Variants in TFG observed in about 807,000 individuals in gnomAD.
TFG encodes protein TFG.
Under a neutral mutation model 51.4 loss-of-function variants are expected in TFG, and 22 were observed. The observed-to-expected ratio is 0.43, with a 90% CI of 0.31 to 0.61. TFG has a LOEUF of 0.61. Ranked by LOEUF, TFG falls within the 20% of genes least tolerant of loss-of-function variation. TFG has a pLI of 0.12. For synonymous variants in TFG, 187 were observed against 165.6 expected, an observed-to-expected ratio of 1.13 and a Z score of -0.99; for missense variants, 419 against 487.7, an observed-to-expected ratio of 0.86 and a Z score of 1.33.
intron 3 of TFG, among the ~76,000 whole-genome samples, chr3:100,725,665 C>T (rs1218403340): frequency 3.7e-5 from 3 of 80,812 alleles, no homozygotes; most frequent in Middle Eastern, 6.6e-3. Flanking sequence ...TGTAGTGGTG[C>T]GTGCCTGTAA....
chr3:100,715,681 T>G (rs1391578614), intron 2 of TFG, among the ~76,000 whole-genome samples: 1 of 152,154 alleles, frequency 6.6e-6, no homozygotes, highest in Non-Finnish European at 1.5e-5. Flanking sequence ...TACATTGATT[T>G]GCACCTCTGT....
intron 3 of TFG, among the ~76,000 whole-genome samples, chr3:100,727,154 A>G (rs1255500350): frequency 6.6e-6 from 1 of 152,182 alleles, no homozygotes; most frequent in African/African-American, 2.4e-5. Context: ...ATTTATATTC[A>G]ACGGGAGAAC....
chr3:100,730,922 G>T (rs913418619), intron 4 of TFG, among the ~76,000 whole-genome samples: 2 of 152,208 alleles, frequency 1.3e-5, no homozygotes, highest in Non-Finnish European at 2.9e-5. Flanking sequence ...ATGCTCTTGG[G>T]ATTAGAGGAA....
intron 6 of TFG, among the ~76,000 whole-genome samples, chr3:100,740,451 A>C (rs2095118235): frequency 1.3e-5 from 2 of 152,252 alleles, no homozygotes; most frequent in Admixed American, 1.3e-4. Flanking sequence ...GAAGAGAGTG[A>C]GGTAGAAGAT....
intron 3 of TFG, among the ~76,000 whole-genome samples, chr3:100,724,771 AT>A (rs2095070323): frequency 6.6e-6 from 1 of 152,214 alleles, no homozygotes; most frequent in Non-Finnish European, 1.5e-5. Flanking sequence ...GGAGTCTAAG[AT>A]TGCTTTAAAT....
intron 3 of TFG, 98 bp from the exon 4 acceptor site, chr3:100,728,614 T>C: frequency 9.0e-7 from 1 of 1,109,212 alleles, no homozygotes; most frequent in Non-Finnish European, 1.2e-6. Context: ...TTGTTTTTGT[T>C]TTTTTAAAGG....
chr3:100,733,871 A>G (rs1410825591), intron 5 of TFG, among the ~76,000 whole-genome samples: 2 of 152,250 alleles, frequency 1.3e-5, no homozygotes, highest in African/African-American at 2.4e-5. Context: ...TATGCATGCC[A>G]TAGTAAACTA....
At chr3:100,747,231 T>C (rs2095137451) in intron 7 of TFG, among the ~76,000 whole-genome samples, 1 of 152,192 alleles carries the variant, frequency 6.6e-6, no homozygotes, top group African/African-American at 2.4e-5. Context: ...CCAGTTTCCC[T>C]CTGACCTTTT....
intron 3 of TFG, among the ~76,000 whole-genome samples, chr3:100,723,015 T>G (rs72930703): frequency 0.03 from 4,534 of 152,272 alleles, 182 homozygotes; most frequent in African/African-American, 0.092. Context: ...TCAAGGAAGC[T>G]TAACTCTTAA....
intron 2 of TFG, among the ~76,000 whole-genome samples, chr3:100,715,660 T>A (rs2095043696): frequency 6.6e-6 from 1 of 152,198 alleles, no homozygotes; most frequent in Non-Finnish European, 1.5e-5. Context: ...CCTGTTTTCT[T>A]ATGCTTATCA....
intron 4 of TFG, among the ~76,000 whole-genome samples, chr3:100,731,603 T>TA (rs1250458922): frequency 6.6e-6 from 1 of 152,136 alleles, no homozygotes; most frequent in Non-Finnish European, 1.5e-5. Flanking sequence ...CCCCTCCTGT[T>TA]ACCCAGAGTG....
intron 7 of TFG, among the ~76,000 whole-genome samples, chr3:100,745,302 G>A (rs1028483996): frequency 3.3e-5 from 5 of 151,958 alleles, no homozygotes; most frequent in African/African-American, 1.2e-4. Flanking sequence ...TGTACTCTTA[G>A]TACCTGTAGA....
rs571154470 is a variant in TFG, at chr3:100,748,636, G to C, written c.*105G>C. The C allele has an allele frequency of 2.1e-5, 27 of 1,275,034 alleles. No homozygotes were observed. The South Asian group carries it at 4.6e-4, about 22-fold the overall frequency. 79.0% of individuals were successfully genotyped at this position (1,275,034 alleles called of 1,614,324 possible). The stretch of plus-strand genomic sequence containing the variant: ...GAAGAAGTTCAGAAATTTAAAAGCA[G>C]AGCATTTTTTATGATATCATTGTTG... On this transcript the variant is annotated 3_prime_UTR_variant, in exon 8 of 8. Transcript: ENST00000240851.
intron 1 of TFG, among the ~76,000 whole-genome samples, chr3:100,710,667 G>A (rs1326000491): frequency 5.9e-5 from 9 of 152,096 alleles, no homozygotes; most frequent in Admixed American, 5.9e-4. Context: ...TATGACCTTG[G>A]GCGTGTCAGA....
intron 5 of TFG, among the ~76,000 whole-genome samples, chr3:100,734,505 T>C (rs2095101132): frequency 6.6e-6 from 1 of 152,224 alleles, no homozygotes; most frequent in African/African-American, 2.4e-5. Context: ...TTTTCTGCCA[T>C]TGGAGCTGCA....
chr3:100,712,324 C>T (rs1415189338), intron 1 of TFG, among the ~76,000 whole-genome samples: 2 of 152,108 alleles, frequency 1.3e-5, no homozygotes, highest in African/African-American at 4.8e-5. Context: ...TGAGTGCTTT[C>T]ACATACCCCG....
chr3:100,718,977 GA>G (rs2095053803), intron 2 of TFG, among the ~76,000 whole-genome samples: 2 of 152,042 alleles, frequency 1.3e-5, no homozygotes, highest in South Asian at 4.1e-4. Flanking sequence ...ATTCAGAAAA[GA>G]AAAAAAGAAC....
At chr3:100,722,733 A>G (rs192911154) in intron 3 of TFG, among the ~76,000 whole-genome samples, 1 of 152,358 alleles carries the variant, frequency 6.6e-6, no homozygotes, top group East Asian at 1.9e-4. Context: ...AGTTGCAAAC[A>G]GTAAAGAAAA....
At position 100,744,938 on chromosome 3, in the gene TFG, A is replaced by C; in HGVS notation, c.820+7A>C. ...TATGGTATTCAGTATTCAGGTGAGC[A>C]GGTGTTGAAAGGGAGTTGGCTCATG... On this transcript the variant is annotated splice_region_variant and intron_variant, in intron 7 of 7. Transcript: ENST00000240851. The C allele has an allele frequency of 6.3e-7, 1 of 1,588,648 alleles. No homozygotes were observed.
Sources: allele counts gnomAD v4.1 joint callset (sites outside exome capture counted in the v4.1 genomes callset), GRCh38; gene constraint gnomAD v4.1.1; transcripts MANE v1.5; gene names NCBI Gene and HGNC (gene_info 2026-07-23, HGNC 2026-07-21).